Variants in FER observed in about 807,000 individuals in gnomAD.
The protein encoded by FER is FER tyrosine kinase, also known as tyrosine-protein kinase Fer.
A neutral mutation model predicts 111.0 loss-of-function variants in FER; 63 were observed. The ratio of observed to expected loss-of-function variants is 0.57; its 90% CI spans 0.46 to 0.70. The LOEUF (loss-of-function observed/expected upper bound fraction) is 0.70. Among genes scored for constraint, FER ranks in the 30% least tolerant of loss-of-function variants. The pLI is 0.00. For synonymous variants in FER, 327 were observed against 313.9 expected, an observed-to-expected ratio of 1.04 and a Z score of -0.44; for missense variants, 914 against 954.0, an observed-to-expected ratio of 0.96 and a Z score of 0.55.
intron 17 of FER, among the ~76,000 whole-genome samples, chr5:109,136,446 C>T (rs942997934): frequency 2.0e-4 from 30 of 152,060 alleles, no homozygotes; most frequent in African/African-American, 6.8e-4. Context: ...AGAAATGTCT[C>T]CAAGTATGGG....
At chr5:108,873,390 C>T (rs1764789406) in intron 8 of FER, among the ~76,000 whole-genome samples, 1 of 152,132 alleles carries the variant, frequency 6.6e-6, no homozygotes, top group South Asian at 2.1e-4. Context: ...AGTGATTCAC[C>T]CACCTCGGCC....
At chr5:108,867,561 C>T (rs905376230) in intron 5 of FER, among the ~76,000 whole-genome samples, 1 of 143,290 alleles carries the variant, frequency 7.0e-6, no homozygotes, top group Admixed American at 6.9e-5. Flanking sequence ...TCCTACATGC[C>T]TCCTTGGCAA....
At chr5:109,125,354 A>G (rs573567530) in intron 17 of FER, among the ~76,000 whole-genome samples, 1 of 152,250 alleles carries the variant, frequency 6.6e-6, no homozygotes, top group East Asian at 1.9e-4. Context: ...GTGAAAATTA[A>G]TTGTGATTTA....
intron 17 of FER, among the ~76,000 whole-genome samples, chr5:109,153,496 G>A (rs73779038): frequency 0.019 from 2,853 of 151,962 alleles, 96 homozygotes; most frequent in African/African-American, 0.066. Context: ...CAGTAATAAA[G>A]TGTGCTAACA....
chr5:108,820,450 G>A (rs976276814), intron 3 of FER: 2 of 985,268 alleles, frequency 2.0e-6, no homozygotes, highest in African/African-American at 1.7e-5. Flanking sequence ...AACAAGAAAG[G>A]TGGCCCTTAA....
chr5:109,130,524 T>TA (rs1752246156), intron 17 of FER, among the ~76,000 whole-genome samples: 1 of 152,044 alleles, frequency 6.6e-6, no homozygotes, highest in Non-Finnish European at 1.5e-5. Context: ...TAAAATGATA[T>TA]AAAAATAAAC....
rs539322138 is a variant in FER at position 109,010,117 on chromosome 5, C to G, written c.1657-27305C>G. Among the ~76,000 whole-genome samples the G allele has an allele frequency of 2.7e-3, 406 of 152,200 alleles. 1 individual carries two copies. The highest frequency in any genetic ancestry group is 5.2e-3 in the Admixed American group (79 of 15,284). Reference sequence around the variant, plus strand: ...AAAGGTGTGGATATTAAACAGTCTACTATATTTCTTATTTTGTGACTCTTA... The same window carrying G: ...AAAGGTGTGGATATTAAACAGTCTAGTATATTTCTTATTTTGTGACTCTTA... On this transcript the variant is annotated intron_variant, in intron 13 of 19. Coordinates refer to ENST00000281092, the MANE Select transcript of FER (RefSeq NM_005246.4).
At chr5:109,049,141 T>C (rs1308142086) in intron 16 of FER, among the ~76,000 whole-genome samples, 1 of 152,212 alleles carries the variant, frequency 6.6e-6, no homozygotes, top group East Asian at 1.9e-4. Context: ...TTTATGTAAA[T>C]GTATTAGCTT....
In FER at chr5:109,195,627, A is replaced by T. The variant is rs1759689324; in HGVS notation, c.*8052A>T. ...AAATCCATGACCAAAGTGTCCAAAG[A>T]CATGAAACTCTTATACCTGCTGAGC... On this transcript the variant is annotated 3_prime_UTR_variant, in exon 20 of 20. Transcript: ENST00000281092. The T allele has an allele frequency of 6.6e-6, 1 of 152,202 alleles. No homozygotes were observed. Among genetic ancestry groups the T allele is most frequent in the Admixed American group, 6.5e-5 (1 of 15,276 alleles). The allele number at this position is 152,202 out of a possible 1,614,324, so 9.4% of individuals were successfully genotyped here.
intron 13 of FER, among the ~76,000 whole-genome samples, chr5:109,004,388 G>A (rs557043601): frequency 1.3e-5 from 2 of 152,184 alleles, no homozygotes; most frequent in South Asian, 2.1e-4. Context: ...CTATTTCTAG[G>A]AATGTATTAT....
chr5:108,867,622 C>A, intron 5 of FER, 145 bp from the exon 6 acceptor site: 1 of 754,756 alleles, frequency 1.3e-6, no homozygotes, highest in South Asian at 1.8e-5. Context: ...TAAAGCTAAG[C>A]ACATATTATG....
Position 109,023,034 on chromosome 5 carries a change from G to C in FER, c.1657-14388G>C, listed in dbSNP as rs113802769. On this transcript the variant is annotated intron_variant, in intron 13 of 19. Coordinates refer to ENST00000281092, the MANE Select transcript of FER (RefSeq NM_005246.4). ...AAAGAAACCACATCTTTTTTCTTAT[G>C]TGTAAAATGTATGTAAAGGGAGGAT... is the stretch of plus-strand genomic sequence containing the variant. Among the ~76,000 whole-genome samples, 1,097 of 152,164 alleles carry C rather than the reference G, an allele frequency of 7.2e-3. 16 individuals are homozygous for C. The highest frequency in any genetic ancestry group is 0.025 in the African/African-American group (1,036 of 41,514).
chr5:108,874,315 T>G (rs1161902964), intron 8 of FER, among the ~76,000 whole-genome samples: 1 of 152,164 alleles, frequency 6.6e-6, no homozygotes, highest in Non-Finnish European at 1.5e-5. Flanking sequence ...CATAAATCAT[T>G]GTTTCTTAAT....
chr5:108,925,397 G>A (rs1433896760), intron 10 of FER, among the ~76,000 whole-genome samples: 1 of 151,838 alleles, frequency 6.6e-6, no homozygotes, highest in Non-Finnish European at 1.5e-5. Flanking sequence ...AATGTTTATG[G>A]TTTAATTTAG....
At chr5:108,918,497 T>C (rs1186222642) in intron 10 of FER, among the ~76,000 whole-genome samples, 1 of 151,620 alleles carries the variant, frequency 6.6e-6, no homozygotes, top group East Asian at 1.9e-4. Context: ...TTTCTTTTTT[T>C]TTTTTTTGAG....
At chr5:108,781,458 C>T (rs1025283185) in intron 2 of FER, among the ~76,000 whole-genome samples, 2 of 152,220 alleles carry the variant, frequency 1.3e-5, no homozygotes, top group Non-Finnish European at 2.9e-5. Context: ...TCCCAAAGTG[C>T]TGGGATTACA....
At chr5:108,839,057 T>C (rs1760961662) in intron 5 of FER, among the ~76,000 whole-genome samples, 1 of 152,142 alleles carries the variant, frequency 6.6e-6, no homozygotes, top group Admixed American at 6.5e-5. Flanking sequence ...TACCCTTTGA[T>C]ACAAAGAAGT....
intron 1 of FER, among the ~76,000 whole-genome samples, chr5:108,767,301 TCAAA>T (rs751203435): frequency 3.3e-5 from 5 of 152,124 alleles, no homozygotes; most frequent in Non-Finnish European, 7.3e-5. Context: ...AGACTCCATC[TCAAA>T]CAAACAAACA....
At chr5:108,979,051 GAT>G (rs766885415) in intron 13 of FER, among the ~76,000 whole-genome samples, 67 of 152,118 alleles carry the variant, frequency 4.4e-4, no homozygotes, top group Non-Finnish European at 8.7e-4. Flanking sequence ...CAATATCATA[GAT>G]ATTGTGAATC....
Sources: gnomAD v4.1 joint callset for allele counts (sites outside exome capture counted in the v4.1 genomes callset) on GRCh38, gnomAD v4.1.1 for gene constraint, MANE v1.5 for transcripts, NCBI Gene and HGNC (gene_info 2026-07-23, HGNC 2026-07-21) for gene names.